Variants in RTN4RL1 observed in about 807,000 individuals in gnomAD.
The protein encoded by RTN4RL1 is reticulon-4 receptor-like 1.
RTN4RL1 carries 7 observed loss-of-function variants against 25.6 expected under a neutral mutation model. That is an observed-to-expected ratio of 0.27 (90% CI 0.16 to 0.51). RTN4RL1 has a LOEUF of 0.51. RTN4RL1 is among the 20% of genes least tolerant of loss of function. The pLI, the probability that RTN4RL1 is intolerant of heterozygous loss-of-function variation, is 0.97. For missense variants in RTN4RL1, 500 were observed against 615.6 expected (o/e 0.81, Z 1.99); for synonymous variants, 297 against 288.2 (o/e 1.03, Z -0.31).
At chr17:1,976,502 C>T (rs1021411253) in intron 1 of RTN4RL1, among the ~76,000 whole-genome samples, 10 of 152,222 alleles carry the variant, frequency 6.6e-5, no homozygotes, top group African/African-American at 2.2e-4. Flanking sequence ...CAGAAGGAAA[C>T]GGGACCCACA....
chr17:2,009,122 G>A (rs9895433), intron 1 of RTN4RL1, among the ~76,000 whole-genome samples: 53,144 of 151,982 alleles, frequency 0.35, 9,623 homozygotes, highest in East Asian at 0.55. Context: ...AAAAAGACAA[G>A]GCTGTGCCCA....
At chr17:1,971,305 A>G (rs971158870) in intron 1 of RTN4RL1, among the ~76,000 whole-genome samples, 3 of 152,150 alleles carry the variant, frequency 2.0e-5, no homozygotes, top group Admixed American at 6.6e-5. Context: ...CCCTTCCGCC[A>G]TGATTGTAAG....
At chr17:1,962,377 A>C (rs1313752215) in intron 1 of RTN4RL1, among the ~76,000 whole-genome samples, 1 of 151,792 alleles carries the variant, frequency 6.6e-6, no homozygotes, top group African/African-American at 2.4e-5. Flanking sequence ...TTATTTTTTG[A>C]GATGGGGTCT....
chr17:2,001,834 C>T (rs1397596546), intron 1 of RTN4RL1, among the ~76,000 whole-genome samples: 3 of 152,256 alleles, frequency 2.0e-5, no homozygotes, highest in East Asian at 3.9e-4. Context: ...GGGGTGACTG[C>T]GGGATTCTCC....
intron 1 of RTN4RL1, chr17:2,019,781 T>C (rs1478895187): frequency 6.6e-6 from 1 of 152,006 alleles, no homozygotes; most frequent in Non-Finnish European, 1.5e-5. Flanking sequence ...GTGCTGGGAG[T>C]TTGGGTCATG....
chr17:1,964,604 C>A (rs568662487), intron 1 of RTN4RL1, among the ~76,000 whole-genome samples: 1 of 151,146 alleles, frequency 6.6e-6, no homozygotes, highest in Admixed American at 6.6e-5. Flanking sequence ...TGGTGGCGGG[C>A]GCCTGTAGTC....
At chr17:1,942,768 G>A (rs377251472) in intron 1 of RTN4RL1, among the ~76,000 whole-genome samples, 3 of 152,226 alleles carry the variant, frequency 2.0e-5, no homozygotes, top group East Asian at 3.9e-4. Context: ...TACCCGGTCC[G>A]CTCAGCAGCC....
intron 1 of RTN4RL1, among the ~76,000 whole-genome samples, chr17:2,021,523 G>A (rs1001627797): frequency 3.4e-5 from 5 of 147,450 alleles, no homozygotes; most frequent in Admixed American, 2.0e-4. Flanking sequence ...CAAGAAAACA[G>A]CAAGAACTAT....
At chr17:1,949,818 AAGGAAGGGACCTATCTT>A (rs1915637781) in intron 1 of RTN4RL1, among the ~76,000 whole-genome samples, 1 of 152,224 alleles carries the variant, frequency 6.6e-6, no homozygotes, top group African/African-American at 2.4e-5. Flanking sequence ...GATAGAGACA[AAGGAAGGGACCTATCTT>A]AGCTGTGTGC....
intron 1 of RTN4RL1, among the ~76,000 whole-genome samples, chr17:1,945,917 C>T (rs1915528952): frequency 6.6e-6 from 1 of 152,182 alleles, no homozygotes; most frequent in Admixed American, 6.5e-5. Context: ...AGCCCTAGGC[C>T]CAGGGCCTGG....
chr17:1,971,541 C>T (rs117037040), intron 1 of RTN4RL1, among the ~76,000 whole-genome samples: 3 of 152,238 alleles, frequency 2.0e-5, no homozygotes, highest in Non-Finnish European at 2.9e-5. Context: ...TGCAAAGCCA[C>T]GTACTTGGCT....
chr17:1,973,979 C>T (rs1209292189), intron 1 of RTN4RL1, among the ~76,000 whole-genome samples: 1 of 139,018 alleles, frequency 7.2e-6, no homozygotes, highest in Non-Finnish European at 1.5e-5. Context: ...GCGGAGATTG[C>T]AGTGAGCCGA....
chr17:1,945,662 C>CT (rs1459940991), intron 1 of RTN4RL1, among the ~76,000 whole-genome samples: 3 of 152,194 alleles, frequency 2.0e-5, no homozygotes, highest in Non-Finnish European at 4.4e-5. Flanking sequence ...CCCTGCTTCA[C>CT]TTTACCCCAC....
chr17:1,944,370 C>T (rs1915494883), intron 1 of RTN4RL1, among the ~76,000 whole-genome samples: 1 of 152,210 alleles, frequency 6.6e-6, no homozygotes, highest in East Asian at 1.9e-4. Context: ...CCAAACTGAG[C>T]TCTGCTCTTC....
At chr17:1,979,777 G>A (rs1347917443) in intron 1 of RTN4RL1, among the ~76,000 whole-genome samples, 2 of 152,208 alleles carry the variant, frequency 1.3e-5, no homozygotes, top group Non-Finnish European at 2.9e-5. Flanking sequence ...CCAGTAGGGT[G>A]GCCCTTCTCT....
chr17:1,970,330 C>A (rs1392677629), intron 1 of RTN4RL1, among the ~76,000 whole-genome samples: 3 of 152,056 alleles, frequency 2.0e-5, no homozygotes, highest in Non-Finnish European at 4.4e-5. Flanking sequence ...GAGGATTTCT[C>A]CTCTTAATGT....
At chr17:2,013,020 A>G (rs1233912776) in intron 1 of RTN4RL1, among the ~76,000 whole-genome samples, 1 of 152,100 alleles carries the variant, frequency 6.6e-6, no homozygotes, top group African/African-American at 2.4e-5. Flanking sequence ...TCTCGAACTC[A>G]TGACCTCAGG....
chr17:2,016,004 T>G (rs2067117455), intron 1 of RTN4RL1, among the ~76,000 whole-genome samples: 1 of 152,052 alleles, frequency 6.6e-6, no homozygotes, highest in Non-Finnish European at 1.5e-5. Flanking sequence ...AGGAAGCCCT[T>G]CCCCCTGGGT....
At chr17:1,963,598 G>A (rs4525525) in intron 1 of RTN4RL1, among the ~76,000 whole-genome samples, 1 of 152,094 alleles carries the variant, frequency 6.6e-6, no homozygotes, top group Non-Finnish European at 1.5e-5. Context: ...GGGCCTCTAG[G>A]ATCAGAGCGG....
Sources: gnomAD v4.1 joint callset for allele counts (sites outside exome capture counted in the v4.1 genomes callset) on GRCh38, gnomAD v4.1.1 for gene constraint, MANE v1.5 for transcripts, NCBI Gene and HGNC (gene_info 2026-07-23, HGNC 2026-07-21) for gene names.